PALD1: variants seen among roughly 807,000 people sequenced by gnomAD.
The protein encoded by PALD1 is paladin.
A neutral mutation model predicts 96.0 loss-of-function variants in PALD1; 57 were observed. The observed-to-expected ratio is 0.59, with a 90% CI of 0.48 to 0.74. The LOEUF is 0.74. Among genes scored for constraint, PALD1 ranks in the 30% least tolerant of loss-of-function variants. PALD1 has a pLI of 0.00. For missense variants in PALD1, 1,063 were observed against 1,143.7 expected, an observed-to-expected ratio of 0.93 and a Z score of 1.02; for synonymous variants, 464 against 473.6, an observed-to-expected ratio of 0.98 and a Z score of 0.26.
In PALD1 at chr10:70,547,390, A is replaced by G; in HGVS notation, c.2206A>G (p.Thr736Ala). 6.2e-7 allele frequency: 1 copy of G among 1,613,090 alleles called. No homozygotes were observed. The highest frequency in any genetic ancestry group is 1.1e-5 in the South Asian group (1 of 91,054). Residue 736 changes from threonine to alanine, a missense_variant, in exon 18 of 20, where the codon ACC becomes GCC. By Grantham distance (58) the Thr-to-Ala change is moderately conservative (BLOSUM62 0). Transcript: ENST00000263563. ...CGCAGCGCTGGACACTGTCAGCGAG[A>G]CCATGACGCCCATGCACTACCACCT... ...VDAALDTVSE[T>A]MTPMHYHLRE...
intron 1 of PALD1, among the ~76,000 whole-genome samples, chr10:70,504,524 GA>G (rs1270960439): frequency 6.6e-6 from 1 of 152,138 alleles, no homozygotes; most frequent in African/African-American, 2.4e-5. Flanking sequence ...CTTCGTCTCA[GA>G]AAACTAACAA....
chr10:70,543,920 A>G (rs575829848), intron 17 of PALD1, among the ~76,000 whole-genome samples: 1 of 152,260 alleles, frequency 6.6e-6, no homozygotes, highest in South Asian at 2.1e-4. Flanking sequence ...CACATCAGAG[A>G]GGTGGGGCTG....
intron 1 of PALD1, among the ~76,000 whole-genome samples, chr10:70,488,932 ATCC>A (rs1846056274): frequency 6.6e-6 from 1 of 150,398 alleles, no homozygotes; most frequent in Non-Finnish European, 1.5e-5. Flanking sequence ...GGGTGGATGT[ATCC>A]TCCTACTGCT....
intron 1 of PALD1, among the ~76,000 whole-genome samples, chr10:70,497,302 C>T (rs553500777): frequency 1.3e-4 from 20 of 152,382 alleles, no homozygotes; most frequent in South Asian, 6.2e-4. Flanking sequence ...CTTCTACTCA[C>T]GTGTGCTCCT....
At chr10:70,510,983 A>T (rs963425197) in intron 1 of PALD1, among the ~76,000 whole-genome samples, 2 of 152,110 alleles carry the variant, frequency 1.3e-5, no homozygotes, top group Admixed American at 6.5e-5. Context: ...TGAACCACAC[A>T]CTTGGATCCT....
At position 70,538,285 on chromosome 10, in the gene PALD1, G is replaced by C; in HGVS notation, c.1329G>C (p.Pro443=). ...CTCTCTGCCTCGGGCTGCAGTACCC[G>C]CTGGCCTTTGCCCTCAGTTTCAGCC... is the stretch of plus-strand genomic sequence containing the variant. ...LFNYYLHEQY[P]LAFALSFSRW... Residue 443 remains proline (P), a synonymous_variant, in exon 12 of 20, where the codon CCG becomes CCC. Coordinates refer to ENST00000263563, the MANE Select transcript of PALD1 (RefSeq NM_014431.3). 6.2e-7 allele frequency: 1 copy of C among 1,602,080 alleles called. No individual in the cohort carries two copies.
chr10:70,480,114 C>T (rs753263154), intron 1 of PALD1, among the ~76,000 whole-genome samples: 21 of 152,252 alleles, frequency 1.4e-4, no homozygotes, highest in Non-Finnish European at 2.2e-4. Context: ...TCCATGCCCG[C>T]CCTTCCTTAT....
the PALD1 span, among the ~76,000 whole-genome samples, chr10:70,472,173 C>A: frequency 1.3e-5 from 2 of 152,332 alleles, no homozygotes; most frequent in African/African-American, 4.8e-5. Flanking sequence ...CCTGCAGCAT[C>A]TTCATAAAGG....
intron 18 of PALD1, among the ~76,000 whole-genome samples, chr10:70,557,812 G>A (rs765266633): frequency 7.9e-5 from 12 of 152,152 alleles, no homozygotes; most frequent in Non-Finnish European, 1.2e-4. Flanking sequence ...TTTCTGTTGA[G>A]TGGGTGAGCG....
Position 70,539,456 on chromosome 10 carries a change from C to A in PALD1, c.1726-124C>A. 1.9e-6 allele frequency: 2 copies of A among 1,071,714 alleles called. No individual in the cohort carries two copies. The highest frequency in any genetic ancestry group is 2.6e-6 in the Non-Finnish European group (2 of 764,138). 66.4% of individuals were successfully genotyped at this position (1,071,714 alleles called of 1,614,324 possible). On this transcript the variant is annotated intron_variant, in intron 14 of 19. Coordinates refer to ENST00000263563, the MANE Select transcript of PALD1 (RefSeq NM_014431.3). This position sits in a 1 kb window ranked among gnomAD's most constrained non-coding sequence, Gnocchi z 4.5. ...TGGGGGGTGGCTGTGACCCCTGAGG[C>A]TTGGGGGGGTCAGGGATGGGACTGG...
rs1422327444 is a variant in PALD1, at chr10:70,539,736, C to T, written c.1882C>T (p.Pro628Ser). ...PGLTYHRIPM[P>S]DFCAPREEDF... ...CCTCACCTACCACCGCATCCCCATG[C>T]CGGACTTCTGTGCCCCCCGAGAGGA... is the stretch of plus-strand genomic sequence containing the variant. Residue 628 changes from proline to serine, a missense_variant, in exon 15 of 20, where the codon CCG (proline) becomes TCG (serine). Coordinates refer to ENST00000263563, the MANE Select transcript of PALD1 (RefSeq NM_014431.3). This position sits in a 1 kb window ranked among gnomAD's most constrained non-coding sequence, Gnocchi z 4.5. The T allele has an allele frequency of 2.5e-6, 4 of 1,611,898 alleles. No homozygotes were observed. Among genetic ancestry groups the T allele is most frequent in the Non-Finnish European group, 3.4e-6 (4 of 1,179,314 alleles).
intron 19 of PALD1, among the ~76,000 whole-genome samples, chr10:70,565,720 G>A (rs899248932): frequency 6.6e-6 from 1 of 152,232 alleles, no homozygotes; most frequent in Non-Finnish European, 1.5e-5. Flanking sequence ...GTCACACCAA[G>A]GCCATGTCGG....
At chr10:70,512,458 C>T (rs951718912) in intron 1 of PALD1, among the ~76,000 whole-genome samples, 3 of 152,096 alleles carry the variant, frequency 2.0e-5, no homozygotes, top group East Asian at 1.9e-4. Flanking sequence ...GGGCTGAGCC[C>T]GAGGGAGAAA....
chr10:70,486,796 A>T (rs1325922858), intron 1 of PALD1, among the ~76,000 whole-genome samples: 2 of 152,086 alleles, frequency 1.3e-5, no homozygotes, highest in Non-Finnish European at 2.9e-5. Flanking sequence ...AAACCTCATC[A>T]GCCTGATCTG....
chr10:70,548,237 G>A (rs61857090), intron 18 of PALD1, among the ~76,000 whole-genome samples: 24,031 of 152,046 alleles, frequency 0.16, 2,326 homozygotes, highest in Admixed American at 0.22. Context: ...CCCGGGAGGC[G>A]GAGGTTGCGG....
chr10:70,543,121 G>T (rs1487338125), intron 17 of PALD1, among the ~76,000 whole-genome samples: 1 of 149,590 alleles, frequency 6.7e-6, no homozygotes, highest in Admixed American at 6.7e-5. Context: ...GTATATTGTG[G>T]CTTTGATTTG....
At chr10:70,562,755 T>G (rs1463997290) in intron 18 of PALD1, among the ~76,000 whole-genome samples, 2 of 151,472 alleles carry the variant, frequency 1.3e-5, no homozygotes, top group African/African-American at 2.4e-5. Flanking sequence ...TTCCATAGCG[T>G]GCAGGGGAGG....
chr10:70,478,764 C>T (rs1845870954), upstream of PALD1: 1 of 151,676 alleles, frequency 6.6e-6, no homozygotes, highest in Non-Finnish European at 1.5e-5. Flanking sequence ...GGGTCCGCCC[C>T]TCGGCGTTGG....
intron 17 of PALD1, among the ~76,000 whole-genome samples, chr10:70,545,547 A>G (rs1311302856): frequency 6.6e-6 from 1 of 152,048 alleles, no homozygotes; most frequent in African/African-American, 2.4e-5. Flanking sequence ...GAGTAACCTA[A>G]ACAGGCTTCA....
Sources: allele counts gnomAD v4.1 joint callset (sites outside exome capture counted in the v4.1 genomes callset), GRCh38; gene constraint gnomAD v4.1.1; non-coding constraint Gnocchi (gnomAD v3.1); transcripts MANE v1.5; gene names NCBI Gene and HGNC (gene_info 2026-07-23, HGNC 2026-07-21).